Variants in POR observed in about 807,000 individuals in gnomAD.
POR encodes cytochrome p450 oxidoreductase.
In POR, 56 loss-of-function variants were observed where a neutral mutation model predicts 84.0. That is an observed-to-expected ratio of 0.67 (90% confidence interval 0.54 to 0.83). The LOEUF is 0.83. POR is among the 40% of genes least tolerant of loss of function. The pLI is 0.00. For missense variants in POR, 938 were observed against 944.3 expected, an observed-to-expected ratio of 0.99 and a Z score of 0.09; for synonymous variants, 414 against 400.5, an observed-to-expected ratio of 1.03 and a Z score of -0.40.
In POR at chr7:75,985,916, C is replaced by T. The variant is rs1554559244; in HGVS notation, c.1670-7C>T. 1.3e-6 allele frequency: 2 copies of T among 1,577,386 alleles called. No individual in the cohort carries two copies. Among genetic ancestry groups the T allele is most frequent in the South Asian group, 2.3e-5 (2 of 86,576 alleles). ...GCCCCGCGCTCACCCCGGCCCCTGC[C>T]ACGCAGGCAAGGAGGTGGGGGAGAC... On this transcript the variant is annotated splice_polypyrimidine_tract_variant and splice_region_variant and intron_variant, in intron 13 of 15. Transcript: ENST00000461988.
chr7:75,980,570 C>T, intron 5 of POR, 82 bp downstream of exon 5: 1 of 1,611,504 alleles, frequency 6.2e-7, no homozygotes. Flanking sequence ...ATCTGAAAGG[C>T]AGCCCTCCAG....
intron 1 of POR, among the ~76,000 whole-genome samples, chr7:75,924,586 T>G (rs1807030230): frequency 6.6e-6 from 1 of 152,098 alleles, no homozygotes; most frequent in Non-Finnish European, 1.5e-5. Flanking sequence ...GTACCTGTCA[T>G]CCCAACTACT....
In POR at chr7:75,983,847, A is replaced by C. The variant is rs1789229404; in HGVS notation, c.1057A>C (p.Asn353His). The C allele has an allele frequency of 6.2e-7, 1 of 1,606,956 alleles. No individual in the cohort carries two copies. Among genetic ancestry groups the C allele is most frequent in the Middle Eastern group, 1.7e-4 (1 of 6,040 alleles). Residue 353 changes from asparagine to histidine, a missense_variant, in exon 10 of 16, where the codon AAC (asparagine) becomes CAC (histidine). By Grantham distance (68) the Asn-to-His change is moderately conservative. Transcript: ENST00000461988. ...CCTGGACGTCGTCATGTCCCTGAAC[A>C]ACCTGGATGGTGAGTGCCACAGTCA...
chr7:75,985,788 C>T lies in POR; in HGVS notation c.1608C>T (p.Pro536=), dbSNP rs72557948. The change falls in exon 13 of 16, where the codon CCC becomes CCT. Residue 536 remains proline (P), a synonymous_variant. Coordinates refer to ENST00000461988, the MANE Select transcript of POR (RefSeq NM_000941.3). ...CCACGCCTGTCATCATGGTGGGCCC[C>T]GGCACCGGGGTGGCACCCTTCATAG... 2.0e-5 allele frequency: 32 copies of T among 1,570,086 alleles called. No individual in the cohort carries two copies. In the East Asian group the frequency reaches 3.5e-4, roughly 17 times the overall value.
chr7:75,961,576 G>A (rs984704912), intron 2 of POR, among the ~76,000 whole-genome samples: 5 of 152,008 alleles, frequency 3.3e-5, no homozygotes, highest in Admixed American at 1.3e-4. Context: ...GACCCCATAC[G>A]CCTCCAGCCC....
chr7:75,926,184 A>G (rs1807115047), intron 1 of POR, among the ~76,000 whole-genome samples: 1 of 138,894 alleles, frequency 7.2e-6, no homozygotes, highest in Non-Finnish European at 1.5e-5. Flanking sequence ...TTTTGCAGAG[A>G]TGGGGTCTTG....
rs121912976 is a variant in POR, at chr7:75,985,795, G to C, written c.1615G>C (p.Gly539Arg). ...TGTCATCATGGTGGGCCCCGGCACC[G>C]GGGTGGCACCCTTCATAGGCTTCAT... The change falls in exon 13 of 16, where the codon GGG becomes CGG. Residue 539 changes from glycine (G) to arginine (R), a missense_variant. By Grantham distance (125) the Gly-to-Arg change is moderately radical. Coordinates refer to ENST00000461988, the MANE Select transcript of POR (RefSeq NM_000941.3). The C allele has an allele frequency of 4.5e-6, 7 of 1,567,400 alleles. No individual in the cohort carries two copies. Among genetic ancestry groups the C allele is most frequent in the Non-Finnish European group, 6.1e-6 (7 of 1,156,516 alleles).
At chr7:75,963,644 G>A (rs2116479342) in intron 2 of POR, among the ~76,000 whole-genome samples, 1 of 152,348 alleles carries the variant, frequency 6.6e-6, no homozygotes, top group South Asian at 2.1e-4. Context: ...GAATGCAGAG[G>A]AGGGGTATCC....
At chr7:75,970,502 AC>A in intron 2 of POR, among the ~76,000 whole-genome samples, 1 of 151,748 alleles carries the variant, frequency 6.6e-6, no homozygotes, top group South Asian at 2.1e-4. Context: ...AGACCACCAC[AC>A]CGGGCTAATT....
chr7:75,935,916 G>A (rs138029931), intron 1 of POR, among the ~76,000 whole-genome samples: 3 of 151,528 alleles, frequency 2.0e-5, no homozygotes, highest in Admixed American at 6.6e-5. Flanking sequence ...TTATTAGAAC[G>A]TCTTTGCTTG....
At chr7:75,929,610 C>T (rs948261359) in intron 1 of POR, among the ~76,000 whole-genome samples, 8 of 152,104 alleles carry the variant, frequency 5.3e-5, no homozygotes, top group South Asian at 2.1e-4. Context: ...CAAGGTGAAA[C>T]GCAAGCAACG....
intron 2 of POR, among the ~76,000 whole-genome samples, chr7:75,963,246 A>G (rs1350783440): frequency 1.3e-5 from 2 of 152,184 alleles, no homozygotes; most frequent in Non-Finnish European, 2.9e-5. Context: ...ACTGACAAAG[A>G]GGAAAGCATT....
chr7:75,986,140 G>A lies in POR; in HGVS notation c.1816-19G>A. 1 of 1,601,640 alleles carries A rather than the reference G, an allele frequency of 6.2e-7. No individual in the cohort carries two copies. Among genetic ancestry groups the A allele is most frequent in the African/African-American group, 1.3e-5 (1 of 74,788 alleles). On this transcript the variant is annotated intron_variant, in intron 14 of 15. Coordinates refer to ENST00000461988, the MANE Select transcript of POR (RefSeq NM_000941.3). The stretch of plus-strand genomic sequence containing the variant: ...CCACAGCCACAGTGCCCCCCTCACA[G>A]CACCACCCTTGGCCCCAGGTCTACG...
intron 1 of POR, among the ~76,000 whole-genome samples, chr7:75,940,752 C>A (rs1807940326): frequency 6.6e-6 from 1 of 151,650 alleles, no homozygotes; most frequent in Non-Finnish European, 1.5e-5. Flanking sequence ...CCACTGTACT[C>A]CAGCCTGGAC....
intron 1 of POR, among the ~76,000 whole-genome samples, chr7:75,953,477 C>A (rs1787544084): frequency 6.6e-6 from 1 of 152,102 alleles, no homozygotes; most frequent in South Asian, 2.1e-4. Context: ...TCTTGCCAGT[C>A]AGGATAGTCC....
intron 1 of POR, among the ~76,000 whole-genome samples, chr7:75,953,225 A>G (rs1325239161): frequency 3.3e-5 from 5 of 149,426 alleles, no homozygotes; most frequent in African/African-American, 9.8e-5. Flanking sequence ...AGGCTGAGGC[A>G]GGAGAATCAG....
At position 75,983,850 on chromosome 7, in the gene POR, C is replaced by G. The variant is rs1554558565; in HGVS notation, c.1060C>G (p.Leu354Val). 6.2e-7 allele frequency: 1 copy of G among 1,605,536 alleles called. No homozygotes were observed. Residue 354 changes from leucine to valine, a missense_variant, in exon 10 of 16, where the codon CTG (leucine) becomes GTG (valine). By Grantham distance (32) the Leu-to-Val change is conservative. Coordinates refer to ENST00000461988, the MANE Select transcript of POR (RefSeq NM_000941.3). ...GGACGTCGTCATGTCCCTGAACAAC[C>G]TGGATGGTGAGTGCCACAGTCAGGG...
chr7:75,917,007 C>T (rs2116165020), intron 1 of POR, among the ~76,000 whole-genome samples: 1 of 152,200 alleles, frequency 6.6e-6, no homozygotes, highest in South Asian at 2.1e-4. Flanking sequence ...CTTGGCAAAT[C>T]CAGAACATTT....
intron 2 of POR, among the ~76,000 whole-genome samples, chr7:75,964,669 TA>T (rs1788100873): frequency 6.6e-6 from 1 of 152,152 alleles, no homozygotes; most frequent in African/African-American, 2.4e-5. Flanking sequence ...AATTGACAAA[TA>T]AAAATTTTAT....
Sources: gnomAD v4.1 joint callset for allele counts (sites outside exome capture counted in the v4.1 genomes callset) on GRCh38, gnomAD v4.1.1 for gene constraint, MANE v1.5 for transcripts, NCBI Gene and HGNC (gene_info 2026-07-23, HGNC 2026-07-21) for gene names.